The following MGAT5B variants were observed in gnomAD, a reference collection of about 807,000 sequenced individuals.
MGAT5B encodes alpha-1,6-mannosylglycoprotein 6-beta-N-acetylglucosaminyltransferase B.
A neutral mutation model predicts 95.1 loss-of-function variants in MGAT5B; 54 were observed. The ratio of observed to expected loss-of-function variants is 0.57; its 90% CI spans 0.46 to 0.71. MGAT5B has a LOEUF of 0.71. Among genes scored for constraint, MGAT5B ranks in the 30% least tolerant of loss-of-function variants. The probability of loss-of-function intolerance (pLI) is 0.00; values close to 1 mark genes in which losing one functional copy is unlikely to be tolerated. For synonymous variants in MGAT5B, 464 were observed against 451.0 expected, an observed-to-expected ratio of 1.03 and a Z score of -0.36; for missense variants, 935 against 1,088.6, an observed-to-expected ratio of 0.86 and a Z score of 1.99.
In MGAT5B at chr17:76,902,631, G is replaced by A. The variant is rs910054659; in HGVS notation, c.406G>A (p.Asp136Asn). 1 of 1,601,566 alleles carries A rather than the reference G, an allele frequency of 6.2e-7. No homozygotes were observed. The highest frequency in any genetic ancestry group is 8.5e-7 in the Non-Finnish European group (1 of 1,173,884). The change falls in exon 4 of 18, where the codon GAC becomes AAC. Residue 136 changes from aspartate to asparagine, a missense_variant. This residue lies in a region of MGAT5B where 243 missense variants were observed against 228.2 expected (regional missense o/e 1.06). Coordinates refer to ENST00000569840, the MANE Select transcript of MGAT5B (RefSeq NM_001199172.2). ...CGTCTCCGACATCGCTGTGAAGGTG[G>A]ACCAGATCCTGCGCCACAGTCTGCT... ...QNVSDIAVKV[D>N]QILRHSLLLH...
At chr17:76,924,933 T>G (rs1969250810) in intron 8 of MGAT5B, 33 bp from the exon 9 acceptor site, 2 of 1,610,342 alleles carry the variant, frequency 1.2e-6, no homozygotes, top group Non-Finnish European at 8.5e-7. Flanking sequence ...GTGGGTTTCT[T>G]GGGGCCCAGA....
rs575687647 is a variant in MGAT5B at position 76,905,877 on chromosome 17, C to T, written c.856-141C>T. The T allele has an allele frequency of 3.5e-6, 3 of 856,654 alleles. No individual in the cohort carries two copies. The Admixed American group carries it at 8.5e-5, about 24-fold the overall frequency. The allele number at this position is 856,654 out of a possible 1,614,324, so 53.1% of individuals were successfully genotyped here. ...GTGTCCCCAGTGCCCGATCTGGTCA[C>T]TCTGGTGCCGGAAAGCACCTGCTGG... is the stretch of plus-strand genomic sequence containing the variant. On this transcript the variant is annotated intron_variant, in intron 7 of 17. Transcript: ENST00000569840. The surrounding 1 kb of genome is among the most constrained non-coding windows in gnomAD (Gnocchi z 4.2).
intron 3 of MGAT5B, among the ~76,000 whole-genome samples, chr17:76,885,965 C>T (rs557678591): frequency 1.1e-4 from 16 of 152,232 alleles, no homozygotes; most frequent in Admixed American, 5.9e-4. Flanking sequence ...AAAAACACGT[C>T]CCCTGTTCTT....
rs112555397 is a variant in MGAT5B, at chr17:76,939,025, T to TGGGGGGG, written c.1584+887_1584+888insGGGGGGG. Among the ~76,000 whole-genome samples, 12 of 128,952 alleles carry TGGGGGGG rather than the reference T, an allele frequency of 9.3e-5. No individual in the cohort carries two copies. In the East Asian group the frequency reaches 1.5e-3, roughly 16 times the overall value. The allele number at this position is 128,952 out of a possible 152,430, so 84.6% of individuals were successfully genotyped here. Reference sequence around the variant, plus strand: ...CCATAGCTTGTTTCCCAAGGCATCTTGGGGGTGTGTGTGTGTGTGTGTGTG... The same window carrying TGGGGGGG: ...CCATAGCTTGTTTCCCAAGGCATCTTGGGGGGGGGGGGTGTGTGTGTGTGTGTGTGTG... On this transcript the variant is annotated intron_variant, in intron 13 of 17. Transcript: ENST00000569840.
In MGAT5B at chr17:76,915,916, T is replaced by C. The variant is rs577204508; in HGVS notation, c.1026-9050T>C. Among the ~76,000 whole-genome samples, 143 of 152,294 alleles carry C rather than the reference T, an allele frequency of 9.4e-4. No individual in the cohort carries two copies. Among genetic ancestry groups the C allele is most frequent in the African/African-American group, 3.2e-3 (135 of 41,568 alleles). ...CTGGCAGCCAGACACCTGACCCAAG[T>C]TGGCTGGCGGTCAGAACCCTTCCCC... On this transcript the variant is annotated intron_variant, in intron 8 of 17. Transcript: ENST00000569840. This position sits in a 1 kb window ranked among gnomAD's most constrained non-coding sequence, Gnocchi z 8.7.
intron 15 of MGAT5B, chr17:76,944,391 T>G (rs944073141): frequency 1.3e-5 from 2 of 152,258 alleles, no homozygotes; most frequent in Admixed American, 1.3e-4. Flanking sequence ...GGAAAGCTCT[T>G]CTCTGGGGAG....
At position 76,912,225 on chromosome 17, in the gene MGAT5B, G is replaced by A. The variant is rs1290747726; in HGVS notation, c.1025+6038G>A. Among the ~76,000 whole-genome samples, 2 of 152,180 alleles carry A rather than the reference G, an allele frequency of 1.3e-5. No homozygotes were observed. The highest frequency in any genetic ancestry group is 4.8e-5 in the African/African-American group (2 of 41,428). ...GGGGTTAGGACTTCAATATGTCAAT[G>A]TTGGGGGTGGAGGACACAATGTAAA... On this transcript the variant is annotated intron_variant, in intron 8 of 17. Coordinates refer to ENST00000569840, the MANE Select transcript of MGAT5B (RefSeq NM_001199172.2). The surrounding 1 kb of genome is among the most constrained non-coding windows in gnomAD (Gnocchi z 5.0).
chr17:76,911,333 G>A (rs1353039172), intron 8 of MGAT5B, among the ~76,000 whole-genome samples: 3 of 152,228 alleles, frequency 2.0e-5, no homozygotes, highest in African/African-American at 2.4e-5. Context: ...TGTCCCCAGT[G>A]CAGTCCTGGG....
intron 3 of MGAT5B, among the ~76,000 whole-genome samples, chr17:76,896,934 T>G (rs538984751): frequency 3.9e-5 from 6 of 152,250 alleles, no homozygotes; most frequent in Admixed American, 2.0e-4. Context: ...TCTCTTTTTT[T>G]TTTAAACAAA....
intron 12 of MGAT5B, among the ~76,000 whole-genome samples, chr17:76,934,789 C>G (rs1969600717): frequency 6.6e-6 from 1 of 152,106 alleles, no homozygotes; most frequent in South Asian, 2.1e-4. Flanking sequence ...GAAACTGCTT[C>G]CAAAAAAAGA....
rs1043551764 is a variant in MGAT5B, at chr17:76,876,263, G to A, written c.181+3300G>A. Among the ~76,000 whole-genome samples, 4 of 152,074 alleles carry A rather than the reference G, an allele frequency of 2.6e-5. No homozygotes were observed. The South Asian group carries it at 8.3e-4, about 31-fold the overall frequency. Reference sequence around the variant, plus strand: ...ATTTCCACTTAGGAGATGCCTGAGGGAAGGATTAGGGCTTCACGGGGAGGT... The same window carrying A: ...ATTTCCACTTAGGAGATGCCTGAGGAAAGGATTAGGGCTTCACGGGGAGGT... On this transcript the variant is annotated intron_variant, in intron 2 of 17. Coordinates refer to ENST00000569840, the MANE Select transcript of MGAT5B (RefSeq NM_001199172.2).
intron 11 of MGAT5B, among the ~76,000 whole-genome samples, 181 bp from the exon 12 acceptor site, chr17:76,933,111 A>G (rs1284946006): frequency 6.6e-6 from 1 of 152,210 alleles, no homozygotes; most frequent in Non-Finnish European, 1.5e-5. Flanking sequence ...TGGTCAGGCT[A>G]GACTTGGGAG....
chr17:76,897,728 T>TCTTTC (rs71158082), intron 3 of MGAT5B, among the ~76,000 whole-genome samples: 1 of 58,716 alleles, frequency 1.7e-5, no homozygotes, highest in South Asian at 5.8e-4. Flanking sequence ...TTTCTTTCTT[T>TCTTTC]TTCTTTTTTT....
Position 76,869,228 on chromosome 17 carries a change from A to G in MGAT5B, c.68+131A>G. ...CACACTTCAACCCCTGGTGATGACC[A>G]GTGGGGCTGGGCTGGGGGAACGGAT... On this transcript the variant is annotated intron_variant, in intron 1 of 17. Coordinates refer to ENST00000569840, the MANE Select transcript of MGAT5B (RefSeq NM_001199172.2). The surrounding 1 kb of genome is among the most constrained non-coding windows in gnomAD (Gnocchi z 7.0). 2 of 578,040 alleles carry G rather than the reference A, an allele frequency of 3.5e-6. No homozygotes were observed. The highest frequency in any genetic ancestry group is 6.3e-6 in the Non-Finnish European group (2 of 317,852). 35.8% of individuals were successfully genotyped at this position (578,040 alleles called of 1,614,324 possible). A position where few individuals can be genotyped will look rare whatever the true frequency, so the allele number is the denominator to read the frequency against.
In MGAT5B at chr17:76,868,816, C is replaced by T. The variant is rs1040913181; in HGVS notation, c.-214C>T. 7 of 310,276 alleles carry T rather than the reference C, an allele frequency of 2.3e-5. No individual in the cohort carries two copies. Among genetic ancestry groups the T allele is most frequent in the Admixed American group, 5.1e-5 (1 of 19,514 alleles). The allele number at this position is 310,276 out of a possible 1,614,324, so 19.2% of individuals were successfully genotyped here. ...GGAGGGCGGAGACGCAGAGACGGCC[C>T]GGCCGGGCGCCCTCGCCGCCCTCCG... On this transcript the variant is annotated 5_prime_UTR_variant, in exon 1 of 18. Transcript: ENST00000569840. The surrounding 1 kb of genome is among the most constrained non-coding windows in gnomAD (Gnocchi z 6.3).
In MGAT5B at chr17:76,883,331, C is replaced by A. The variant is rs571334766; in HGVS notation, c.329+1033C>A. Among the ~76,000 whole-genome samples, 284 of 152,248 alleles carry A rather than the reference C, an allele frequency of 1.9e-3. 1 individual carries two copies. The highest frequency in any genetic ancestry group is 6.6e-3 in the African/African-American group (274 of 41,552). ...AATCTTTTCATGATGATTTTGAACT[C>A]TGTGTTGAGGGGCATGTGTGGATAC... On this transcript the variant is annotated intron_variant, in intron 3 of 17. Transcript: ENST00000569840.
In MGAT5B at chr17:76,947,964, G is replaced by A. The variant is rs374024223; in HGVS notation, c.2058G>A (p.Ala686=). ...TGGCTCCTGGGGCCTGGCCCCCCGCGCACGCCCTGCGGGCCTGGCTGGCCG... is the reference window on the plus strand; with the variant it reads ...TGGCTCCTGGGGCCTGGCCCCCCGCACACGCCCTGCGGGCCTGGCTGGCCG... ...TSLAPGAWPP[A]HALRAWLAVP... is the part of the protein sequence containing the mutation. The change falls in exon 17 of 18, where the codon GCG becomes GCA. Residue 686 remains alanine, a synonymous_variant. Coordinates refer to ENST00000569840, the MANE Select transcript of MGAT5B (RefSeq NM_001199172.2). The A allele has an allele frequency of 2.2e-5, 36 of 1,611,980 alleles. No homozygotes were observed. Among genetic ancestry groups the A allele is most frequent in the East Asian group, 6.7e-5 (3 of 44,832 alleles).
At chr17:76,897,709 CTTTCTTTCTTTCTTTCTTTTTCTT>C (rs1338302045) in intron 3 of MGAT5B, among the ~76,000 whole-genome samples, 12 of 93,028 alleles carry the variant, frequency 1.3e-4, no homozygotes, top group East Asian at 1.1e-3. Context: ...TTCTTTCTTT[CTTTCTTTCTTTCTTTCTTTTTCTT>C]TTTTTTTTTT....
chr17:76,888,532 C>G (rs1345268817), intron 3 of MGAT5B, among the ~76,000 whole-genome samples: 1 of 152,234 alleles, frequency 6.6e-6, no homozygotes, highest in East Asian at 1.9e-4. Flanking sequence ...TAGCCAGCGG[C>G]GGGGAGATCA....
Sources: allele counts gnomAD v4.1 joint callset (sites outside exome capture counted in the v4.1 genomes callset), GRCh38; gene constraint gnomAD v4.1.1; regional missense constraint gnomAD v4.1.1; non-coding constraint Gnocchi (gnomAD v3.1); transcripts MANE v1.5; gene names NCBI Gene and HGNC (gene_info 2026-07-23, HGNC 2026-07-21).